LAX1: variants seen among roughly 807,000 people sequenced by gnomAD.
LAX1 encodes lymphocyte transmembrane adaptor 1, also known as lymphocyte transmembrane adapter 1.
Under a neutral mutation model 20.7 loss-of-function variants are expected in LAX1, and 17 were observed. The ratio of observed to expected loss-of-function variants is 0.82; its 90% CI spans 0.56 to 1.23. The LOEUF is 1.23. Ranked by LOEUF, LAX1 falls within the 50% of genes most tolerant of loss-of-function variation. The probability of loss-of-function intolerance (pLI) is 0.00; values close to 1 mark genes in which losing one functional copy is unlikely to be tolerated. For missense variants in LAX1, 470 were observed against 487.0 expected (o/e 0.97, Z 0.33); for synonymous variants, 165 against 181.0 (o/e 0.91, Z 0.71).
rs1271687864 is a variant in LAX1, at chr1:203,771,497, C to T, written c.310+20C>T. The T allele has an allele frequency of 1.4e-6, 2 of 1,383,982 alleles. No homozygotes were observed. Among genetic ancestry groups the T allele is most frequent in the South Asian group, 1.2e-5 (1 of 86,388 alleles). 85.7% of individuals were successfully genotyped at this position (1,383,982 alleles called of 1,614,324 possible). ...ACCTGGGTAGGTTTTTCCTTCTAATCTATGGAGTCCAGATATTCGAACTTC... is the reference window on the plus strand; with the variant it reads ...ACCTGGGTAGGTTTTTCCTTCTAATTTATGGAGTCCAGATATTCGAACTTC... On this transcript the variant is annotated intron_variant, in intron 3 of 4. Transcript: ENST00000442561.
chr1:203,773,920 C>T lies in LAX1; in HGVS notation c.436C>T (p.His146Tyr), dbSNP rs779971712. The change falls in exon 5 of 5, where the codon CAT becomes TAT. Residue 146 changes from histidine (H) to tyrosine (Y), a missense_variant. Physicochemically the swap from His to Tyr is moderately conservative, Grantham distance 83. Coordinates refer to ENST00000442561, the MANE Select transcript of LAX1 (RefSeq NM_017773.4). ...CTTCCAGGAGCATACAGCCCACATC[C>T]ATGCCACAGAGTACGCGGTGGGTAT... is the stretch of plus-strand genomic sequence containing the variant. Reference protein sequence around the residue: ...NAFQEHTAHIHATEYAVGIYD... With the variant: ...NAFQEHTAHIYATEYAVGIYD... The T allele has an allele frequency of 6.2e-7, 1 of 1,614,010 alleles. No homozygotes were observed. The highest frequency in any genetic ancestry group is 8.5e-7 in the Non-Finnish European group (1 of 1,179,966).
In LAX1 at chr1:203,775,455, C is replaced by T. The variant is rs1356773125; in HGVS notation, c.*774C>T. Reference sequence around the variant, plus strand: ...AAATGTAGGTAAGGATGAAGAAGAACAGGAACTCTCACTGGTGGCTGATGG... The same window carrying T: ...AAATGTAGGTAAGGATGAAGAAGAATAGGAACTCTCACTGGTGGCTGATGG... On this transcript the variant is annotated 3_prime_UTR_variant, in exon 5 of 5. Transcript: ENST00000442561. 1.3e-5 allele frequency: 2 copies of T among 152,002 alleles called. No individual in the cohort carries two copies. Among genetic ancestry groups the T allele is most frequent in the Non-Finnish European group, 2.9e-5 (2 of 68,008 alleles). The allele number at this position is 152,002 out of a possible 1,614,324, so 9.4% of individuals were successfully genotyped here.
rs1350291488 is a variant in LAX1 at position 203,774,651 on chromosome 1, G to T, written c.1167G>T (p.Gly389=). 2 of 1,614,118 alleles carry T rather than the reference G, an allele frequency of 1.2e-6. No homozygotes were observed. The highest frequency in any genetic ancestry group is 2.2e-5 in the South Asian group (2 of 91,062). ...AKLGGRDSEQ[G]PGTQLLPDE is the part of the protein sequence containing the mutation. ...TAGGAGGCAGGGACTCTGAGCAGGG[G>T]CCTGGCACTCAGCTCCTTCCTGATG... is the stretch of plus-strand genomic sequence containing the variant. The change falls in exon 5 of 5, where the codon GGG becomes GGT. Residue 389 remains glycine, a synonymous_variant. Coordinates refer to ENST00000442561, the MANE Select transcript of LAX1 (RefSeq NM_017773.4).
intron 1 of LAX1, among the ~76,000 whole-genome samples, chr1:203,770,457 G>GAGAGAGAGAGAGAGA (rs55910139): frequency 4.5e-4 from 13 of 28,952 alleles, no homozygotes; most frequent in East Asian, 8.8e-4. Flanking sequence ...GAGAGAGAAA[G>GAGAGAGAGAGAGAGA]GAAGGAAGGA....
At chr1:203,772,236 C>A in intron 4 of LAX1, 89 bp downstream of exon 4, 5 of 1,029,692 alleles carry the variant, frequency 4.9e-6, no homozygotes, top group South Asian at 2.6e-5. Flanking sequence ...GGTTTCACTG[C>A]AAACAAACAG....
At chr1:203,772,202 G>A in intron 4 of LAX1, 55 bp downstream of exon 4, 2 of 1,369,062 alleles carry the variant, frequency 1.5e-6, no homozygotes, top group Non-Finnish European at 2.1e-6. Flanking sequence ...GAACTGCGGG[G>A]AAAGAGTTAT....
At chr1:203,770,704 C>G (rs1303540174) in intron 1 of LAX1, 124 bp from the exon 2 acceptor site, 1 of 733,884 alleles carries the variant, frequency 1.4e-6, no homozygotes, top group Non-Finnish European at 2.4e-6. Context: ...CACCACACCC[C>G]ACCTGGGCTT....
chr1:203,770,557 G>GAAAGAAAGAAAGAAAGAAAGAA lies in LAX1; in HGVS notation c.90-258_90-257insAAGAAAGAAAAAGAAAGAAAGA, dbSNP rs1558070963. The stretch of plus-strand genomic sequence containing the variant: ...AGAAAGAAAGAAAGAAAGAAAGAAA[G>GAAAGAAAGAAAGAAAGAAAGAA]AAAGAAAGAAAGAGATTAATAAGTT... On this transcript the variant is annotated intron_variant, in intron 1 of 4. Coordinates refer to ENST00000442561, the MANE Select transcript of LAX1 (RefSeq NM_017773.4). Among the ~76,000 whole-genome samples, 20 of 117,240 alleles carry GAAAGAAAGAAAGAAAGAAAGAA rather than the reference G, an allele frequency of 1.7e-4. 3 individuals are homozygous for GAAAGAAAGAAAGAAAGAAAGAA. Among genetic ancestry groups the GAAAGAAAGAAAGAAAGAAAGAA allele is most frequent in the African/African-American group, 6.4e-4 (20 of 31,116 alleles). The allele number at this position is 117,240 out of a possible 152,430, so 76.9% of individuals were successfully genotyped here.
chr1:203,771,270 T>C, intron 2 of LAX1, 97 bp from the exon 3 acceptor site: 1 of 827,146 alleles, frequency 1.2e-6, no homozygotes, highest in South Asian at 1.3e-5. Context: ...CTGGCAAGGA[T>C]GGGGAGCATT....
At chr1:203,772,252 C>T in intron 4 of LAX1, 105 bp downstream of exon 4, 1 of 840,132 alleles carries the variant, frequency 1.2e-6, no homozygotes, top group Non-Finnish European at 2.0e-6. Flanking sequence ...AACAGCATGC[C>T]CTTTGGCACT....
At chr1:203,771,747 T>C (rs1326478973) in intron 3 of LAX1, among the ~76,000 whole-genome samples, 1 of 152,090 alleles carries the variant, frequency 6.6e-6, no homozygotes, top group African/African-American at 2.4e-5. Context: ...TGTCCAGGCA[T>C]AGGGAAGACA....
In LAX1 at chr1:203,768,007, A is replaced by C. The variant is rs150014471; in HGVS notation, c.89+2353A>C. Among the ~76,000 whole-genome samples, 336 of 152,214 alleles carry C rather than the reference A, an allele frequency of 2.2e-3. 2 individuals are homozygous for C. Among genetic ancestry groups the C allele is most frequent in the Admixed American group, 5.4e-3 (82 of 15,294 alleles). On this transcript the variant is annotated intron_variant, in intron 1 of 4. Transcript: ENST00000442561. ...AAAATGATAAACAGATAAGCATATG[A>C]ATGTATAATATCAATCAATCGGGCT...
intron 1 of LAX1, among the ~76,000 whole-genome samples, chr1:203,768,480 G>A (rs1006425830): frequency 6.6e-6 from 1 of 152,218 alleles, no homozygotes; most frequent in African/African-American, 2.4e-5. Context: ...AGACAGCTGG[G>A]AGAGGAGGAT....
chr1:203,771,596 A>C (rs947700400), intron 3 of LAX1, 119 bp downstream of exon 3: 4 of 728,324 alleles, frequency 5.5e-6, no homozygotes, highest in African/African-American at 1.7e-5. Flanking sequence ...CCCTTCAGAG[A>C]GTATCAGGGA....
At chr1:203,773,621 C>T (rs1667455571) in intron 4 of LAX1, among the ~76,000 whole-genome samples, 1 of 151,724 alleles carries the variant, frequency 6.6e-6, no homozygotes, top group Admixed American at 6.6e-5. Context: ...CCTTTAGCCA[C>T]TATGTTGTAC....
intron 1 of LAX1, 38 bp from the exon 2 acceptor site, chr1:203,770,790 T>C (rs1667408435): frequency 6.6e-7 from 1 of 1,522,746 alleles, no homozygotes. Context: ...CTCTCCACCC[T>C]CCTACAGCTA....
rs56340969 is a variant in LAX1, at chr1:203,770,459, A to AGAGAG, written c.90-369_90-368insGAGAG. On this transcript the variant is annotated intron_variant, in intron 1 of 4. Transcript: ENST00000442561. Reference sequence around the variant, plus strand: ...AGAGAGAGAGAGAGAGAGAGAAAGGAAGGAAGGAAGGAAGGAAGGAAGGAA... The same window carrying AGAGAG: ...AGAGAGAGAGAGAGAGAGAGAAAGGAGAGAGAGGAAGGAAGGAAGGAAGGAAGGAA... Among the ~76,000 whole-genome samples the AGAGAG allele has an allele frequency of 7.7e-3, 81 of 10,546 alleles. 6 individuals are homozygous for AGAGAG. Among genetic ancestry groups the AGAGAG allele is most frequent in the East Asian group, 0.019 (10 of 516 alleles). The allele number at this position is 10,546 out of a possible 152,430, so 6.9% of individuals were successfully genotyped here.
In LAX1 at chr1:203,774,324, G is replaced by A; in HGVS notation, c.840G>A (p.Gln280=). Residue 280 remains glutamine, a synonymous_variant, in exon 5 of 5, where the codon CAG becomes CAA. Coordinates refer to ENST00000442561, the MANE Select transcript of LAX1 (RefSeq NM_017773.4). ...CAGGGTTGGATCTCAGTGCCATCCA[G>A]GAAAGGCAGCTCTGGGTGGCTTTTC... ...NMTGLDLSAI[Q]ERQLWVAFQC... is the part of the protein sequence containing the mutation. 4.3e-6 allele frequency: 7 copies of A among 1,614,184 alleles called. No homozygotes were observed. Among genetic ancestry groups the A allele is most frequent in the Non-Finnish European group, 5.9e-6 (7 of 1,180,028 alleles).
rs1220681525 is a variant in LAX1 at position 203,774,649 on chromosome 1, G to A, written c.1165G>A (p.Gly389Arg). 1.9e-6 allele frequency: 3 copies of A among 1,614,108 alleles called. No homozygotes were observed. The Admixed American group carries it at 5.0e-5, about 27-fold the overall frequency. Residue 389 changes from glycine to arginine, a missense_variant, in exon 5 of 5, where the codon GGG becomes AGG. Physicochemically the swap from Gly to Arg is moderately radical, Grantham distance 125 (BLOSUM62 -2). Coordinates refer to ENST00000442561, the MANE Select transcript of LAX1 (RefSeq NM_017773.4). ...AKLGGRDSEQ[G>R]PGTQLLPDE The stretch of plus-strand genomic sequence containing the variant: ...GTTAGGAGGCAGGGACTCTGAGCAG[G>A]GGCCTGGCACTCAGCTCCTTCCTGA...
Sources: gnomAD v4.1 joint callset for allele counts (sites outside exome capture counted in the v4.1 genomes callset) on GRCh38, gnomAD v4.1.1 for gene constraint, MANE v1.5 for transcripts, NCBI Gene and HGNC (gene_info 2026-07-23, HGNC 2026-07-21) for gene names.